Variants in ANK2 observed in about 807,000 individuals in gnomAD.
ANK2 encodes ankyrin-2.
ANK2 carries 83 observed loss-of-function variants against 360.5 expected under a neutral mutation model. That is an observed-to-expected ratio of 0.23 (90% CI 0.19 to 0.28). The LOEUF is 0.28. ANK2 is among the 10% of genes least tolerant of loss of function. ANK2 has a pLI of 1.00. For synonymous variants in ANK2, 1,740 were observed against 1,759.5 expected, an observed-to-expected ratio of 0.99 and a Z score of 0.28; for missense variants, 4,201 against 4,795.7, an observed-to-expected ratio of 0.88 and a Z score of 3.66.
rs776972443 is a variant in ANK2, at chr4:113,356,076, C to G, written c.7458C>G (p.His2486Gln). Reference protein sequence around the residue: ...PKMKAGIFPSHFPLPAAVAKT... With the variant: ...PKMKAGIFPSQFPLPAAVAKT... The stretch of plus-strand genomic sequence containing the variant: ...TGAAGGCTGGAATTTTTCCAAGTCA[C>G]TTTCCTCTTCCTGCAGCTGTTGCCA... Residue 2486 changes from histidine to glutamine, a missense_variant, in exon 38 of 46, where the codon CAC (histidine) becomes CAG (glutamine). Transcript: ENST00000357077. 1.8e-5 allele frequency: 29 copies of G among 1,614,034 alleles called. No homozygotes were observed. The highest frequency in any genetic ancestry group is 2.4e-5 in the Non-Finnish European group (28 of 1,180,016).
intron 39 of ANK2, 99 bp downstream of exon 39, chr4:113,360,996 A>G: frequency 1.9e-6 from 2 of 1,066,088 alleles, no homozygotes; most frequent in Non-Finnish European, 1.4e-6. Context: ...TTTCTTGAGA[A>G]AGAATACATG....
At chr4:112,822,001 C>G (rs1366627174) in intron 1 of ANK2, among the ~76,000 whole-genome samples, 2 of 152,072 alleles carry the variant, frequency 1.3e-5, no homozygotes, top group South Asian at 4.1e-4. Flanking sequence ...CTCCTGGGCT[C>G]AAGCGATCCA....
At chr4:112,872,414 C>A (rs992664115) in intron 1 of ANK2, among the ~76,000 whole-genome samples, 19 of 151,908 alleles carry the variant, frequency 1.3e-4, no homozygotes, top group Non-Finnish European at 2.1e-4. Flanking sequence ...CTCGGCTCAC[C>A]ACAGCCTCTG....
rs1476053477 is a variant in ANK2, at chr4:113,335,863, G to T, written c.3397G>T (p.Asp1133Tyr). 6.2e-7 allele frequency: 1 copy of T among 1,613,986 alleles called. No homozygotes were observed. The highest frequency in any genetic ancestry group is 1.3e-5 in the African/African-American group (1 of 74,922). Residue 1133 changes from aspartate to tyrosine, a missense_variant, in exon 30 of 46, where the codon GAC (aspartate) becomes TAC (tyrosine). By Grantham distance (160) the Asp-to-Tyr change is radical (BLOSUM62 -3). Coordinates refer to ENST00000357077, the MANE Select transcript of ANK2 (RefSeq NM_001148.6). ...GMDEVLDSPE[D>Y]LEKKRICRII... Reference sequence around the variant, plus strand: ...TGTCTTAGTACTGGATAGCCCAGAAGACCTAGAAAAGAAACGAATCTGCCG... The same window carrying T: ...TGTCTTAGTACTGGATAGCCCAGAATACCTAGAAAAGAAACGAATCTGCCG...
intron 1 of ANK2, among the ~76,000 whole-genome samples, chr4:113,066,194 C>T (rs1399272652): frequency 6.6e-6 from 1 of 152,156 alleles, no homozygotes; most frequent in Non-Finnish European, 1.5e-5. Flanking sequence ...CTCCCCCCAG[C>T]CCCACAAAAC....
the ANK2 span, among the ~76,000 whole-genome samples, chr4:112,751,330 G>A: frequency 6.6e-6 from 1 of 152,174 alleles, no homozygotes; most frequent in Non-Finnish European, 1.5e-5. Flanking sequence ...TTAAAATATA[G>A]TAGCACAGTT....
intron 2 of ANK2, among the ~76,000 whole-genome samples, chr4:112,975,020 G>T (rs1297722839): frequency 6.6e-6 from 1 of 152,100 alleles, no homozygotes; most frequent in African/African-American, 2.4e-5. Flanking sequence ...TAAAACATTT[G>T]CTAAAAAATA....
chr4:113,051,147 C>G lies in ANK2; in HGVS notation c.84+1335C>G, dbSNP rs2066799347. On this transcript the variant is annotated intron_variant, in intron 1 of 45. Transcript: ENST00000357077. ...TGAGGGCATTTTTATAGAGTGTTAGCTAATTGAACAACATAAAAAAAGAAA... is the reference window on the plus strand; with the variant it reads ...TGAGGGCATTTTTATAGAGTGTTAGGTAATTGAACAACATAAAAAAAGAAA... 2.0e-5 allele frequency among the ~76,000 whole-genome samples: 3 copies of G among 151,306 alleles called. No homozygotes were observed. In the South Asian group the frequency reaches 6.3e-4, roughly 32 times the overall value.
chr4:113,078,434 G>A (rs1044527300), intron 1 of ANK2, among the ~76,000 whole-genome samples: 2 of 152,292 alleles, frequency 1.3e-5, no homozygotes, highest in South Asian at 2.1e-4. Context: ...AATAGTAGCC[G>A]TGGTGTCGGG....
chr4:112,902,292 C>T (rs1339263375), intron 1 of ANK2, among the ~76,000 whole-genome samples: 1 of 152,194 alleles, frequency 6.6e-6, no homozygotes, highest in Non-Finnish European at 1.5e-5. Flanking sequence ...TTAAAAGTAG[C>T]TGAGTGCAAC....
intron 2 of ANK2, among the ~76,000 whole-genome samples, chr4:112,914,207 C>T (rs2088845704): frequency 6.6e-6 from 1 of 152,158 alleles, no homozygotes; most frequent in African/African-American, 2.4e-5. Context: ...TATCTAAATA[C>T]ATCTATAATT....
At chr4:112,942,564 A>C (rs1262973789) in intron 2 of ANK2, among the ~76,000 whole-genome samples, 1 of 152,046 alleles carries the variant, frequency 6.6e-6, no homozygotes, top group Non-Finnish European at 1.5e-5. Context: ...TATGAGAAAA[A>C]TGAGGATAAA....
intron 1 of ANK2, among the ~76,000 whole-genome samples, chr4:112,900,080 A>G (rs2082860047): frequency 6.6e-6 from 1 of 152,190 alleles, no homozygotes; most frequent in South Asian, 2.1e-4. Context: ...AAGGTGTCTC[A>G]TGTATCCACT....
chr4:113,269,371 AG>A (rs1398835120), intron 14 of ANK2, among the ~76,000 whole-genome samples: 2 of 152,208 alleles, frequency 1.3e-5, no homozygotes, highest in Non-Finnish European at 2.9e-5. Flanking sequence ...ATGGCATCCC[AG>A]TTTTGTGCTT....
chr4:113,083,428 C>T (rs1362732507), intron 1 of ANK2, among the ~76,000 whole-genome samples: 1 of 152,128 alleles, frequency 6.6e-6, no homozygotes, highest in Non-Finnish European at 1.5e-5. Context: ...TCCCACTTCA[C>T]CCTCCCAAAG....
intron 1 of ANK2, among the ~76,000 whole-genome samples, chr4:113,053,042 A>G (rs949134716): frequency 6.6e-6 from 1 of 152,182 alleles, no homozygotes; most frequent in Non-Finnish European, 1.5e-5. Flanking sequence ...GTCTTGGACA[A>G]CGTCTTTGTT....
intron 9 of ANK2, among the ~76,000 whole-genome samples, chr4:113,243,141 A>G (rs1431751565): frequency 6.6e-6 from 1 of 152,220 alleles, no homozygotes; most frequent in African/African-American, 2.4e-5. Context: ...GATTTGGTTA[A>G]TCATAGACTT....
At chr4:113,245,909 A>G (rs948886316) in intron 9 of ANK2, among the ~76,000 whole-genome samples, 5 of 151,972 alleles carry the variant, frequency 3.3e-5, no homozygotes, top group African/African-American at 1.2e-4. Flanking sequence ...GGTTCAAGCA[A>G]TTCTCCTACC....
At chr4:113,120,170 G>A (rs553055816) in intron 1 of ANK2, among the ~76,000 whole-genome samples, 3 of 152,188 alleles carry the variant, frequency 2.0e-5, no homozygotes, top group South Asian at 2.1e-4. Context: ...GTCATACTAT[G>A]TAGAGCTAAA....
Sources: gnomAD v4.1 joint callset for allele counts (sites outside exome capture counted in the v4.1 genomes callset) on GRCh38, gnomAD v4.1.1 for gene constraint, MANE v1.5 for transcripts, NCBI Gene and HGNC (gene_info 2026-07-23, HGNC 2026-07-21) for gene names.